Variants in SAMMSON observed in about 807,000 individuals in gnomAD.
SAMMSON encodes the protein survival associated mitochondrial melanoma specific oncogenic non-coding RNA.
chr3:70,337,079 A>ATAT (rs1225631916), intron 7 of SAMMSON, among the ~76,000 whole-genome samples: 1,448 of 42,636 alleles, frequency 0.034, 72 homozygotes, highest in Middle Eastern at 0.057. Context: ...ATCTAACTTA[A>ATAT]TATTCTTATT....
At chr3:70,241,549 G>C (rs554702919) in intron 4 of SAMMSON, among the ~76,000 whole-genome samples, 7 of 152,112 alleles carry the variant, frequency 4.6e-5, no homozygotes, top group Non-Finnish European at 1.0e-4. Flanking sequence ...TCATAACATT[G>C]CTAAAGGTAT....
At chr3:70,411,865 C>T (rs1457528482) in intron 2 of SAMMSON, among the ~76,000 whole-genome samples, 1 of 152,118 alleles carries the variant, frequency 6.6e-6, no homozygotes, top group Non-Finnish European at 1.5e-5. Context: ...GTGGGTATTT[C>T]TTCATAGGAG....
At chr3:70,410,604 T>C (rs1424374127) in intron 2 of SAMMSON, among the ~76,000 whole-genome samples, 1 of 152,208 alleles carries the variant, frequency 6.6e-6, no homozygotes, top group Non-Finnish European at 1.5e-5. Context: ...AAGATTTTTT[T>C]AAAACCTTCA....
Position 70,432,861 on chromosome 3 carries a change from C to T in SAMMSON, n.234-29699C>T, listed in dbSNP as rs560083039. On this transcript the variant is annotated intron_variant and non_coding_transcript_variant, in intron 2 of 3. Transcript: ENST00000641053. ...TCCCTCATAACCACTTATCTTTTTA[C>T]TGTCTCTGTAGCTTTTGCCTTTTTC... Among the ~76,000 whole-genome samples, 3 of 152,130 alleles carry T rather than the reference C, an allele frequency of 2.0e-5. No individual in the cohort carries two copies. In the East Asian group the frequency reaches 5.8e-4, roughly 29 times the overall value.
intron 2 of SAMMSON, among the ~76,000 whole-genome samples, chr3:70,397,051 A>G (rs1701098907): frequency 6.6e-6 from 1 of 152,194 alleles, no homozygotes. Flanking sequence ...AAATTCAGAA[A>G]ACAACAAAAA....
At chr3:70,230,456 C>T (rs1048998785) in intron 4 of SAMMSON, among the ~76,000 whole-genome samples, 2 of 151,780 alleles carry the variant, frequency 1.3e-5, no homozygotes, top group Non-Finnish European at 2.9e-5. Context: ...GATCTCAAAA[C>T]CTCTATGAAA....
At chr3:70,274,196 G>A (rs2106674762) in intron 6 of SAMMSON, among the ~76,000 whole-genome samples, 1 of 151,780 alleles carries the variant, frequency 6.6e-6, no homozygotes, top group Middle Eastern at 3.4e-3. Context: ...GGATGTGAGT[G>A]TTTGTGTGTT....
intron 4 of SAMMSON, among the ~76,000 whole-genome samples, chr3:70,076,542 C>CGT (rs2067249198): frequency 6.6e-6 from 1 of 152,032 alleles, no homozygotes; most frequent in African/African-American, 2.4e-5. Context: ...ATGCAATTAG[C>CGT]GTGTGTGTGG....
At chr3:70,001,858 G>A (rs2107573564) in intron 1 of SAMMSON, among the ~76,000 whole-genome samples, 1 of 152,300 alleles carries the variant, frequency 6.6e-6, no homozygotes, top group African/African-American at 2.4e-5. Context: ...AATACCTGAT[G>A]CCCAGTGGTC....
At chr3:70,063,096 C>T (rs1230638654) in intron 3 of SAMMSON, among the ~76,000 whole-genome samples, 2 of 151,192 alleles carry the variant, frequency 1.3e-5, no homozygotes, top group East Asian at 2.0e-4. Flanking sequence ...CCCCCCCCAC[C>T]CCCGCCGCAT....
intron 4 of SAMMSON, among the ~76,000 whole-genome samples, chr3:70,237,167 C>G (rs1444440188): frequency 6.6e-6 from 1 of 152,148 alleles, no homozygotes; most frequent in Non-Finnish European, 1.5e-5. Context: ...TAAAGGGGGC[C>G]AAGCTGTATT....
intron 4 of SAMMSON, among the ~76,000 whole-genome samples, chr3:70,210,177 T>G (rs1701329639): frequency 6.6e-6 from 1 of 152,154 alleles, no homozygotes; most frequent in Non-Finnish European, 1.5e-5. Flanking sequence ...ATTCTCTTTT[T>G]AATTTTGTGA....
chr3:70,341,258 G>A (rs1156324899), intron 7 of SAMMSON, among the ~76,000 whole-genome samples: 1 of 152,118 alleles, frequency 6.6e-6, no homozygotes, highest in Non-Finnish European at 1.5e-5. Context: ...GACCATGGAA[G>A]AGCCAGAAGG....
chr3:70,233,061 C>T (rs954086156), intron 4 of SAMMSON, among the ~76,000 whole-genome samples: 1 of 152,102 alleles, frequency 6.6e-6, no homozygotes, highest in East Asian at 1.9e-4. Context: ...TGGTGGCATG[C>T]GCCTGTGGTC....
chr3:70,363,204 C>G lies in SAMMSON; in HGVS notation n.913+4880C>G, dbSNP rs962086892. Among the ~76,000 whole-genome samples the G allele has an allele frequency of 2.0e-5, 3 of 152,038 alleles. No individual in the cohort carries two copies. In the East Asian group the frequency reaches 5.8e-4, roughly 29 times the overall value. ...TCAAAATAACAAAGGCCATATACAGCAAACCCACAGCTAACATCATACTGA... is the reference window on the plus strand; with the variant it reads ...TCAAAATAACAAAGGCCATATACAGGAAACCCACAGCTAACATCATACTGA... On this transcript the variant is annotated intron_variant and non_coding_transcript_variant, in intron 9 of 9. Coordinates refer to ENST00000642114, the Ensembl canonical transcript of SAMMSON.
chr3:70,267,933 T>A (rs1013572778), intron 6 of SAMMSON, among the ~76,000 whole-genome samples: 2 of 151,310 alleles, frequency 1.3e-5, no homozygotes, highest in Admixed American at 6.6e-5. Context: ...TTTCTTCCCA[T>A]CCCCTTCCCT....
chr3:70,171,203 G>C (rs1700943859), intron 4 of SAMMSON, among the ~76,000 whole-genome samples: 1 of 151,486 alleles, frequency 6.6e-6, no homozygotes, highest in African/African-American at 2.4e-5. Context: ...CACAAATTAA[G>C]AGCTCTCTTC....
chr3:70,414,676 A>C (rs887388457), intron 2 of SAMMSON, among the ~76,000 whole-genome samples: 17 of 152,168 alleles, frequency 1.1e-4, no homozygotes, highest in Non-Finnish European at 1.5e-5. Flanking sequence ...ATGTGACCTT[A>C]GTTAGATCAC....
intron 4 of SAMMSON, among the ~76,000 whole-genome samples, chr3:70,121,467 C>CAA (rs58438733): frequency 4.7e-5 from 7 of 148,920 alleles, no homozygotes; most frequent in Admixed American, 1.3e-4. Flanking sequence ...CCAAGCAAGG[C>CAA]AAAAAAAAAT....
Sources: allele counts gnomAD v4.1 joint callset (sites outside exome capture counted in the v4.1 genomes callset), GRCh38; gene constraint gnomAD v4.1.1; transcripts MANE v1.5; gene names NCBI Gene and HGNC (gene_info 2026-07-23, HGNC 2026-07-21).